The following SPTBN1 variants were observed in gnomAD, a reference collection of about 807,000 sequenced individuals.
The protein encoded by SPTBN1 is spectrin beta chain, non-erythrocytic 1.
SPTBN1 carries 32 observed loss-of-function variants against 266.4 expected under a neutral mutation model. The ratio of observed to expected loss-of-function variants is 0.12; its 90% CI spans 0.09 to 0.16. SPTBN1 has a LOEUF of 0.16. SPTBN1 is among the 10% of genes least tolerant of loss of function. SPTBN1 has a pLI of 1.00. For synonymous variants in SPTBN1, 1,336 were observed against 1,162.2 expected (o/e 1.15, Z -3.04); for missense variants, 2,296 against 3,067.1 (o/e 0.75, Z 5.94).
intron 2 of SPTBN1, among the ~76,000 whole-genome samples, chr2:54,566,269 A>G (rs535586130): frequency 3.0e-4 from 45 of 149,302 alleles, no homozygotes; most frequent in African/African-American, 1.1e-3. Flanking sequence ...GCTCACCGCA[A>G]CGTCCGCCTC....
intron 10 of SPTBN1, 73 bp downstream of exon 10, chr2:54,623,669 G>A (rs552092492): frequency 4.1e-6 from 5 of 1,219,772 alleles, no homozygotes; most frequent in Admixed American, 4.4e-5. Flanking sequence ...GGTCTCGACT[G>A]CTAAGAGGAC....
At chr2:54,648,121 T>C (rs552319106) in intron 24 of SPTBN1, among the ~76,000 whole-genome samples, 1 of 152,334 alleles carries the variant, frequency 6.6e-6, no homozygotes, top group East Asian at 1.9e-4. Flanking sequence ...CTGTATTAAC[T>C]TCCAAAGCAG....
intron 7 of SPTBN1, among the ~76,000 whole-genome samples, chr2:54,620,180 C>T (rs1243273453): frequency 6.6e-6 from 1 of 152,330 alleles, no homozygotes; most frequent in South Asian, 2.1e-4. Context: ...TAGGGGCTTG[C>T]CCGGACAGGC....
Position 54,653,362 on chromosome 2 carries a change from T to C in SPTBN1, c.5578-247T>C, listed in dbSNP as rs1680429538. 1.4e-5 allele frequency: 7 copies of C among 493,026 alleles called. 1 individual carries two copies. The East Asian group carries it at 3.0e-4, about 21-fold the overall frequency. 30.5% of individuals were successfully genotyped at this position (493,026 alleles called of 1,614,324 possible). A position where few individuals can be genotyped will look rare whatever the true frequency, so the allele number is the denominator to read the frequency against. ...TTCCCTGACTAAACTCTCCTGCCTG[T>C]CTTCCTGTAGCATTTCATTTGTTTT... is the stretch of plus-strand genomic sequence containing the variant. On this transcript the variant is annotated intron_variant, in intron 26 of 35. Coordinates refer to ENST00000356805, the MANE Select transcript of SPTBN1 (RefSeq NM_003128.3). The surrounding 1 kb of genome is among the most constrained non-coding windows in gnomAD (Gnocchi z 5.1).
chr2:54,537,699 T>C (rs1671691673), intron 2 of SPTBN1, among the ~76,000 whole-genome samples: 1 of 152,218 alleles, frequency 6.6e-6, no homozygotes, highest in Non-Finnish European at 1.5e-5. Context: ...TTTTCATCTC[T>C]CCATCTCTTG....
chr2:54,531,847 C>CT (rs1184324940), intron 2 of SPTBN1, among the ~76,000 whole-genome samples: 1 of 151,974 alleles, frequency 6.6e-6, no homozygotes, highest in Non-Finnish European at 1.5e-5. Context: ...AGAACTTGAC[C>CT]TGGAGCACCT....
At chr2:54,661,365 G>T in intron 32 of SPTBN1, 1 of 985,794 alleles carries the variant, frequency 1.0e-6, no homozygotes, top group Non-Finnish European at 1.2e-6. Flanking sequence ...TGTGTCAGTG[G>T]AATCAGAAAC....
intron 2 of SPTBN1, chr2:54,529,838 A>G (rs1671096702): frequency 3.2e-6 from 1 of 311,578 alleles, no homozygotes; most frequent in Admixed American, 4.0e-5. Flanking sequence ...CTAAATATAC[A>G]TATCTCTTTT....
In SPTBN1 at chr2:54,668,051, A is replaced by G. The variant is rs553579754; in HGVS notation, c.6877-300A>G. Among the ~76,000 whole-genome samples, 24 of 152,344 alleles carry G rather than the reference A, an allele frequency of 1.6e-4. No homozygotes were observed. The South Asian group carries it at 4.8e-3, about 30-fold the overall frequency. On this transcript the variant is annotated intron_variant, in intron 35 of 35. Coordinates refer to ENST00000356805, the MANE Select transcript of SPTBN1 (RefSeq NM_003128.3). The stretch of plus-strand genomic sequence containing the variant: ...AAAAACAACACCTGTAATGCTTTAA[A>G]TGTGAAAAAGCACCTTCTAGGGTGG...
intron 24 of SPTBN1, 49 bp from the exon 25 acceptor site, chr2:54,648,937 C>G: frequency 6.7e-7 from 1 of 1,495,154 alleles, no homozygotes; most frequent in Non-Finnish European, 9.1e-7. Context: ...CCTGAAGAAA[C>G]TTGACATTTA....
At chr2:54,552,348 A>G (rs1427559914) in intron 2 of SPTBN1, among the ~76,000 whole-genome samples, 1 of 152,166 alleles carries the variant, frequency 6.6e-6, no homozygotes, top group East Asian at 1.9e-4. Context: ...GAGATAATTT[A>G]TAAATTATCT....
At chr2:54,463,217 A>G (rs562704566) in intron 1 of SPTBN1, among the ~76,000 whole-genome samples, 62 of 152,224 alleles carry the variant, frequency 4.1e-4, no homozygotes, top group Non-Finnish European at 8.5e-4. Context: ...GGATGGCAGG[A>G]TGGATGGGAG....
At chr2:54,599,826 T>C (rs767649699) in intron 3 of SPTBN1, among the ~76,000 whole-genome samples, 10 of 152,198 alleles carry the variant, frequency 6.6e-5, no homozygotes, top group African/African-American at 1.4e-4. Flanking sequence ...GAAAATTGTA[T>C]CCCCAATCTG....
chr2:54,564,234 T>C (rs766442255), intron 2 of SPTBN1, among the ~76,000 whole-genome samples: 6 of 152,214 alleles, frequency 3.9e-5, no homozygotes, highest in Non-Finnish European at 8.8e-5. Context: ...AGGCTAGTTA[T>C]ATAGAAGAGG....
intron 1 of SPTBN1, among the ~76,000 whole-genome samples, chr2:54,514,126 TC>T (rs1669993896): frequency 6.6e-6 from 1 of 152,244 alleles, no homozygotes; most frequent in Non-Finnish European, 1.5e-5. Flanking sequence ...ATATCACTGT[TC>T]CTTGTGCAGT....
intron 1 of SPTBN1, among the ~76,000 whole-genome samples, chr2:54,473,048 C>T (rs1694006448): frequency 1.3e-5 from 2 of 152,178 alleles, no homozygotes; most frequent in South Asian, 2.1e-4. Context: ...AGCTCTGTAG[C>T]GTATCCTGAA....
chr2:54,582,664 G>A (rs1324011250), intron 2 of SPTBN1, among the ~76,000 whole-genome samples: 2 of 152,138 alleles, frequency 1.3e-5, no homozygotes, highest in Non-Finnish European at 2.9e-5. Flanking sequence ...GAATTAAGGT[G>A]GCAGGATACC....
chr2:54,544,177 T>G (rs1672103892), intron 2 of SPTBN1, among the ~76,000 whole-genome samples: 1 of 152,198 alleles, frequency 6.6e-6, no homozygotes, highest in Admixed American at 6.5e-5. Context: ...CAGGTTGTTG[T>G]TTACCCCAGC....
chr2:54,460,131 C>G (rs375601695), intron 1 of SPTBN1, among the ~76,000 whole-genome samples: 15 of 152,290 alleles, frequency 9.8e-5, no homozygotes, highest in African/African-American at 3.1e-4. Flanking sequence ...TTCTTAGGCC[C>G]CACTCTGAAC....
Sources: gnomAD v4.1 joint callset for allele counts (sites outside exome capture counted in the v4.1 genomes callset) on GRCh38, gnomAD v4.1.1 for gene constraint, Gnocchi (gnomAD v3.1) non-coding constraint, MANE v1.5 for transcripts, NCBI Gene and HGNC (gene_info 2026-07-23, HGNC 2026-07-21) for gene names.